CNNM2: variants seen among roughly 807,000 people sequenced by gnomAD.
CNNM2 encodes the protein metal transporter CNNM2.
In CNNM2, 12 loss-of-function variants were observed where a neutral mutation model predicts 66.9. That is an observed-to-expected ratio of 0.18 (90% CI 0.11 to 0.29). CNNM2 has a LOEUF of 0.29. CNNM2 is among the 10% of genes least tolerant of loss of function. The pLI is 1.00. For synonymous variants in CNNM2, 557 were observed against 501.8 expected (o/e 1.11, Z -1.47); for missense variants, 705 against 1,167.7 (o/e 0.60, Z 5.77).
In CNNM2 at chr10:103,084,601, C is replaced by A. The variant is rs920122634; in HGVS notation, c.*7421C>A. On this transcript the variant is annotated 3_prime_UTR_variant, in exon 8 of 8. Coordinates refer to ENST00000369878, the MANE Select transcript of CNNM2 (RefSeq NM_017649.5). ...CCTTAGCTCAAATCAGGAAATGCTC[C>A]AAGGAAAATGGAGGCAATTTTTCCT... 3.9e-5 allele frequency: 6 copies of A among 152,130 alleles called. No individual in the cohort carries two copies. Among genetic ancestry groups the A allele is most frequent in the Non-Finnish European group, 8.8e-5 (6 of 68,032 alleles). The allele number at this position is 152,130 out of a possible 1,614,324, so 9.4% of individuals were successfully genotyped here. A position where few individuals can be genotyped will look rare whatever the true frequency, so the allele number is the denominator to read the frequency against.
intron 1 of CNNM2, among the ~76,000 whole-genome samples, chr10:102,972,537 T>C (rs2063561702): frequency 6.6e-6 from 1 of 152,154 alleles, no homozygotes; most frequent in African/African-American, 2.4e-5. Flanking sequence ...CTCGGGAGGC[T>C]GAGGCAGGAG....
rs143558266 is a variant in CNNM2, at chr10:102,925,026, G to A, written c.1621+4925G>A. 3.6e-3 allele frequency among the ~76,000 whole-genome samples: 544 copies of A among 152,142 alleles called. 4 individuals are homozygous for A. The highest frequency in any genetic ancestry group is 0.013 in the African/African-American group (531 of 41,518). ...TAAGATTTACTTGGGGCTGGGTGCG[G>A]TGGCTCACGCCTGTAATCCAGGCAC... On this transcript the variant is annotated intron_variant, in intron 1 of 7. Coordinates refer to ENST00000369878, the MANE Select transcript of CNNM2 (RefSeq NM_017649.5).
At chr10:102,983,429 A>G (rs1015309269) in intron 1 of CNNM2, among the ~76,000 whole-genome samples, 2 of 150,070 alleles carry the variant, frequency 1.3e-5, no homozygotes, top group Non-Finnish European at 3.0e-5. Context: ...TGGGAGGCCA[A>G]GTCGGGCAGA....
intron 4 of CNNM2, among the ~76,000 whole-genome samples, chr10:103,057,374 CA>C (rs888346634): frequency 6.6e-5 from 10 of 151,330 alleles, no homozygotes; most frequent in African/African-American, 2.4e-4. Context: ...GAGGCTAAGA[CA>C]GGGGGCGGGG....
At chr10:102,944,907 T>A (rs1846555250) in intron 1 of CNNM2, among the ~76,000 whole-genome samples, 1 of 152,156 alleles carries the variant, frequency 6.6e-6, no homozygotes, top group African/African-American at 2.4e-5. Context: ...TTGTAGAATG[T>A]TCTGCAATCT....
chr10:102,919,500 G>T lies in CNNM2; in HGVS notation c.1020G>T (p.Ser340=). Residue 340 remains serine, a synonymous_variant, in exon 1 of 8, where the codon TCG becomes TCT. Transcript: ENST00000369878. ...LTILLDDIAG[S]GLVAVVVSTI... ...TCCTGCTCGACGACATCGCCGGCTC[G>T]GGCCTCGTGGCCGTGGTAGTCTCCA... is the stretch of plus-strand genomic sequence containing the variant. 1.2e-6 allele frequency: 2 copies of T among 1,612,746 alleles called. No individual in the cohort carries two copies. The highest frequency in any genetic ancestry group is 1.7e-6 in the Non-Finnish European group (2 of 1,180,032).
At chr10:103,074,645 C>A (rs892780200) in intron 6 of CNNM2, among the ~76,000 whole-genome samples, 1 of 152,000 alleles carries the variant, frequency 6.6e-6, no homozygotes, top group Non-Finnish European at 1.5e-5. Context: ...CCAGGCTGGG[C>A]AACATGGCAA....
chr10:103,029,913 C>T (rs750891016), intron 1 of CNNM2, among the ~76,000 whole-genome samples: 1 of 151,616 alleles, frequency 6.6e-6, no homozygotes, highest in Non-Finnish European at 1.5e-5. Context: ...GTTATTAATA[C>T]AGGGTAATAA....
At chr10:102,922,328 A>T (rs1303129693) in intron 1 of CNNM2, among the ~76,000 whole-genome samples, 2 of 150,316 alleles carry the variant, frequency 1.3e-5, no homozygotes, top group Non-Finnish European at 3.0e-5. Context: ...CCTTTCTTGG[A>T]TTTTTTTTTT....
In CNNM2 at chr10:103,073,990, T is replaced by C. The variant is rs554195925; in HGVS notation, c.2234-2096T>C. Among the ~76,000 whole-genome samples, 94 of 151,764 alleles carry C rather than the reference T, an allele frequency of 6.2e-4. No individual in the cohort carries two copies. The highest frequency in any genetic ancestry group is 2.2e-3 in the African/African-American group (92 of 41,378). On this transcript the variant is annotated intron_variant, in intron 6 of 7. Coordinates refer to ENST00000369878, the MANE Select transcript of CNNM2 (RefSeq NM_017649.5). ...CTTATTTTTAATCCTTGTCAGACCT[T>C]ATAAGATGGGTACCAGGGCTGGGTG...
intron 1 of CNNM2, among the ~76,000 whole-genome samples, chr10:103,040,507 C>A: frequency 6.6e-6 from 1 of 152,026 alleles, no homozygotes; most frequent in South Asian, 2.1e-4. Flanking sequence ...ACTGTGCATG[C>A]GTGATGGAAT....
At chr10:102,998,522 TG>T (rs2134251626) in intron 1 of CNNM2, among the ~76,000 whole-genome samples, 1 of 152,316 alleles carries the variant, frequency 6.6e-6, no homozygotes, top group African/African-American at 2.4e-5. Flanking sequence ...GGCTTGTCTC[TG>T]GGCAAGGTCT....
intron 1 of CNNM2, among the ~76,000 whole-genome samples, chr10:103,044,343 G>A (rs1439941505): frequency 6.6e-6 from 1 of 152,008 alleles, no homozygotes; most frequent in Non-Finnish European, 1.5e-5. Context: ...ATCACTTGAG[G>A]CCAGGAGTTC....
chr10:103,090,085 C>T lies in CNNM2; in HGVS notation c.*12905C>T. On this transcript the variant is annotated 3_prime_UTR_variant, in exon 8 of 8. Transcript: ENST00000369878. ...CTTATAGTTGCCTGTCTTCCTCTCT[C>T]CCTGCCCCTCAAAATGGTGCCCATA... is the stretch of plus-strand genomic sequence containing the variant. 2.0e-6 allele frequency: 1 copy of T among 490,114 alleles called. No homozygotes were observed. The highest frequency in any genetic ancestry group is 3.5e-6 in the Non-Finnish European group (1 of 283,868). The allele number at this position is 490,114 out of a possible 1,614,324, so 30.4% of individuals were successfully genotyped here. A position where few individuals can be genotyped will look rare whatever the true frequency, so the allele number is the denominator to read the frequency against.
intron 1 of CNNM2, among the ~76,000 whole-genome samples, chr10:103,022,000 T>C (rs890534602): frequency 6.6e-6 from 1 of 152,228 alleles, no homozygotes; most frequent in African/African-American, 2.4e-5. Context: ...GAGAGAGTTC[T>C]GTTCATCTTT....
intron 1 of CNNM2, among the ~76,000 whole-genome samples, chr10:103,018,164 C>G (rs1028431250): frequency 3.3e-5 from 5 of 151,858 alleles, no homozygotes; most frequent in Non-Finnish European, 7.4e-5. Context: ...ACAAAGAGAT[C>G]AGTAAGCTGT....
chr10:103,031,049 C>T (rs1197949467), intron 1 of CNNM2, among the ~76,000 whole-genome samples: 1 of 152,098 alleles, frequency 6.6e-6, no homozygotes, highest in Non-Finnish European at 1.5e-5. Context: ...TTAGGGTTTT[C>T]AGTCTGTGCT....
chr10:102,935,774 C>CTTTTTTTTTTTT (rs34196326), intron 1 of CNNM2, among the ~76,000 whole-genome samples: 1 of 77,994 alleles, frequency 1.3e-5, no homozygotes, highest in African/African-American at 5.2e-5. Context: ...CTGCACCTGG[C>CTTTTTTTTTTTT]TTTTTTTTTT....
chr10:103,069,161 C>T (rs1011401927), intron 5 of CNNM2, among the ~76,000 whole-genome samples: 14 of 152,204 alleles, frequency 9.2e-5, no homozygotes, highest in African/African-American at 3.4e-4. Flanking sequence ...CACACTATTT[C>T]CTCTTGCCAT....
Sources: gnomAD v4.1 joint callset for allele counts (sites outside exome capture counted in the v4.1 genomes callset) on GRCh38, gnomAD v4.1.1 for gene constraint, MANE v1.5 for transcripts, NCBI Gene and HGNC (gene_info 2026-07-23, HGNC 2026-07-21) for gene names.